The following SYNE2 variants were observed in gnomAD, a reference collection of about 807,000 sequenced individuals.
The protein encoded by SYNE2 is spectrin repeat containing nuclear envelope protein 2.
In SYNE2, 431 loss-of-function variants were observed where a neutral mutation model predicts 856.3. The ratio of observed to expected loss-of-function variants is 0.50; its 90% confidence interval spans 0.47 to 0.55. The LOEUF is 0.55. Ranked by LOEUF, SYNE2 falls within the 20% of genes least tolerant of loss-of-function variation. The pLI, the probability that SYNE2 is intolerant of heterozygous loss-of-function variation, is 0.00. For synonymous variants in SYNE2, 2,923 were observed against 2,872.3 expected, an observed-to-expected ratio of 1.02 and a Z score of -0.56; for missense variants, 8,129 against 8,023.2, an observed-to-expected ratio of 1.01 and a Z score of -0.50.
intron 57 of SYNE2, among the ~76,000 whole-genome samples, chr14:64,085,505 A>C: frequency 6.6e-6 from 1 of 152,198 alleles, no homozygotes; most frequent in East Asian, 1.9e-4. Flanking sequence ...TTGTGTAGAC[A>C]AATGTTTTCA....
At position 64,220,506 on chromosome 14, in the gene SYNE2, C is replaced by A. The variant is rs151115460; in HGVS notation, c.19930C>A (p.Leu6644Met). 1 of 1,614,210 alleles carries A rather than the reference C, an allele frequency of 6.2e-7. No homozygotes were observed. Among genetic ancestry groups the A allele is most frequent in the Non-Finnish European group, 8.5e-7 (1 of 1,180,046 alleles). Residue 6644 changes from leucine to methionine, a missense_variant, in exon 111 of 116, where the codon CTG (leucine) becomes ATG (methionine). By Grantham distance (15) the Leu-to-Met change is conservative. This residue lies in a region of SYNE2 where 5,410 missense variants were observed against 5,284.8 expected (regional missense o/e 1.02). Transcript: ENST00000555002. ...VSVNVSSKEFLQTESPESTEL... is the reference protein window; with the variant it reads ...VSVNVSSKEFMQTESPESTEL... ...TGTCAACGTGAGCAGCAAGGAATTT[C>A]TGCAAACCGAGAGCCCCGAATCCAC... is the stretch of plus-strand genomic sequence containing the variant.
At chr14:64,140,499 T>C (rs754353034) in intron 80 of SYNE2, among the ~76,000 whole-genome samples, 21 of 152,282 alleles carry the variant, frequency 1.4e-4, no homozygotes, top group African/African-American at 1.9e-4. Flanking sequence ...GGAGAATCAC[T>C]TGAACCGCGG....
intron 1 of SYNE2, among the ~76,000 whole-genome samples, chr14:63,867,153 C>G (rs1437039836): frequency 1.3e-5 from 2 of 152,096 alleles, no homozygotes; most frequent in Non-Finnish European, 2.9e-5. Flanking sequence ...GAACACAAGT[C>G]TGTTGGGCTC....
intron 8 of SYNE2, among the ~76,000 whole-genome samples, chr14:63,957,504 A>G (rs2096255724): frequency 6.6e-6 from 1 of 151,638 alleles, no homozygotes; most frequent in South Asian, 2.1e-4. Context: ...CCTGGCCTCA[A>G]GTGTTTGCCC....
chr14:63,826,979 A>G (rs761984681), intron 1 of SYNE2, among the ~76,000 whole-genome samples: 1 of 152,180 alleles, frequency 6.6e-6, no homozygotes, highest in South Asian at 2.1e-4. Flanking sequence ...TATCCTTAAT[A>G]TATAAAGAAT....
intron 45 of SYNE2, among the ~76,000 whole-genome samples, chr14:64,034,080 C>A (rs113138884): frequency 3.0e-4 from 45 of 152,208 alleles, no homozygotes; most frequent in Non-Finnish European, 5.6e-4. Context: ...CAAAAGAGAT[C>A]AGATTTATGC....
At chr14:64,197,591 A>C (rs1277688905) in intron 99 of SYNE2, among the ~76,000 whole-genome samples, 1 of 152,194 alleles carries the variant, frequency 6.6e-6, no homozygotes, top group Non-Finnish European at 1.5e-5. Flanking sequence ...GAACCATCTC[A>C]GTTTTCCTTA....
At chr14:64,004,698 C>T (rs2096782957) in intron 30 of SYNE2, among the ~76,000 whole-genome samples, 2 of 152,172 alleles carry the variant, frequency 1.3e-5, no homozygotes, top group Non-Finnish European at 2.9e-5. Flanking sequence ...TCCGCAGGCT[C>T]AGTGGTCTCT....
At chr14:64,140,957 AT>A (rs778647162) in intron 80 of SYNE2, among the ~76,000 whole-genome samples, 15 of 151,858 alleles carry the variant, frequency 9.9e-5, no homozygotes, top group Non-Finnish European at 1.3e-4. Context: ...TAAAATGTAA[AT>A]TTTTTCAACA....
intron 45 of SYNE2, among the ~76,000 whole-genome samples, chr14:64,040,327 T>A (rs2097138325): frequency 1.3e-5 from 2 of 151,978 alleles, no homozygotes; most frequent in East Asian, 3.8e-4. Context: ...ATAACGTGTT[T>A]AAAATGATTA....
intron 93 of SYNE2, 109 bp downstream of exon 93, chr14:64,169,080 T>C: frequency 2.4e-6 from 2 of 833,304 alleles, no homozygotes. Context: ...CCCTGTGCCC[T>C]GTTGGTTGAC....
chr14:64,092,911 C>G lies in SYNE2; in HGVS notation c.11977-438C>G, dbSNP rs540904260. On this transcript the variant is annotated intron_variant, in intron 60 of 115. Transcript: ENST00000555002. ...CCCATCATCACTGACCTCACATGCT[C>G]TGTTCAGTCTGAATTGTTATGTCAC... is the stretch of plus-strand genomic sequence containing the variant. 2.0e-5 allele frequency among the ~76,000 whole-genome samples: 3 copies of G among 152,328 alleles called. No individual in the cohort carries two copies. In the East Asian group the frequency reaches 5.8e-4, roughly 29 times the overall value.
chr14:64,167,723 G>T, intron 92 of SYNE2, 84 bp downstream of exon 92: 1 of 1,569,048 alleles, frequency 6.4e-7, no homozygotes, highest in Non-Finnish European at 8.7e-7. Flanking sequence ...AACACAGGGA[G>T]TGTACCTATC....
At chr14:64,188,785 A>G (rs930375048) in intron 98 of SYNE2, 77 bp downstream of exon 98, 117 of 1,465,296 alleles carry the variant, frequency 8.0e-5, no homozygotes, top group Middle Eastern at 1.7e-4. Context: ...AAGCCCAAAC[A>G]GGGGCAATGT....
At chr14:63,895,683 G>A (rs2095239258) in intron 1 of SYNE2, among the ~76,000 whole-genome samples, 1 of 148,166 alleles carries the variant, frequency 6.7e-6, no homozygotes, top group Non-Finnish European at 1.5e-5. Flanking sequence ...TGGGAGGATG[G>A]CTTGAGTCCA....
intron 45 of SYNE2, among the ~76,000 whole-genome samples, chr14:64,038,711 C>T (rs918747326): frequency 2.0e-5 from 3 of 152,246 alleles, no homozygotes; most frequent in Non-Finnish European, 4.4e-5. Context: ...GGCGTGGCGG[C>T]GGGCGCCTGC....
At chr14:64,143,282 C>G (rs118171555) in intron 82 of SYNE2, among the ~76,000 whole-genome samples, 2,309 of 152,294 alleles carry the variant, frequency 0.015, 42 homozygotes, top group Middle Eastern at 0.017. Context: ...GCCACCCAAA[C>G]TTTCTAAAGC....
intron 82 of SYNE2, 113 bp downstream of exon 82, chr14:64,142,201 G>C: frequency 8.0e-7 from 1 of 1,254,800 alleles, no homozygotes; most frequent in Non-Finnish European, 1.1e-6. Flanking sequence ...TAATTCTAGG[G>C]GTAGGAAACT....
chr14:64,039,387 A>G (rs1471874855), intron 45 of SYNE2, among the ~76,000 whole-genome samples: 1 of 152,204 alleles, frequency 6.6e-6, no homozygotes, highest in Non-Finnish European at 1.5e-5. Flanking sequence ...ATGCTCAGTC[A>G]TTTAGAGCTC....
Sources: allele counts gnomAD v4.1 joint callset (sites outside exome capture counted in the v4.1 genomes callset), GRCh38; gene constraint gnomAD v4.1.1; regional missense constraint gnomAD v4.1.1; transcripts MANE v1.5; gene names NCBI Gene and HGNC (gene_info 2026-07-23, HGNC 2026-07-21).